ABL2: variants seen among roughly 807,000 people sequenced by gnomAD.
ABL2 encodes the protein ABL proto-oncogene 2, non-receptor tyrosine kinase, also known as tyrosine-protein kinase ABL2.
Under a neutral mutation model 107.7 loss-of-function variants are expected in ABL2, and 49 were observed. The ratio of observed to expected loss-of-function variants is 0.45; its 90% CI spans 0.36 to 0.58. The LOEUF (loss-of-function observed/expected upper bound fraction) is 0.58, where lower values mean the gene tolerates loss of function less well. ABL2 is among the 20% of genes least tolerant of loss of function. ABL2 has a pLI of 0.00. For missense variants in ABL2, 1,245 were observed against 1,457.0 expected (o/e 0.85, Z 2.37); for synonymous variants, 549 against 548.6 (o/e 1.00, Z -0.01).
chr1:179,210,203 A>T (rs961283550), intron 1 of ABL2, among the ~76,000 whole-genome samples: 4 of 152,112 alleles, frequency 2.6e-5, no homozygotes, highest in Admixed American at 6.6e-5. Flanking sequence ...GAGAAAAAAA[A>T]TGATTTTAAA....
Position 179,104,099 on chromosome 1 carries a change from C to T in ABL2, c.*3619G>A. 4.3e-6 allele frequency: 1 copy of T among 232,628 alleles called. No homozygotes were observed. The highest frequency in any genetic ancestry group is 8.5e-6 in the Non-Finnish European group (1 of 117,650). 14.4% of individuals were successfully genotyped at this position (232,628 alleles called of 1,614,324 possible). ...GGGGATTCTGCTGTGCATCCCTAGA[C>T]TAGGTGTTAATAATAGTAGTAGTAG... On this transcript the variant is annotated 3_prime_UTR_variant, in exon 12 of 12. Coordinates refer to ENST00000502732, the MANE Select transcript of ABL2 (RefSeq NM_007314.4).
chr1:179,146,747 G>C (rs1331279171), intron 1 of ABL2, among the ~76,000 whole-genome samples: 1 of 152,032 alleles, frequency 6.6e-6, no homozygotes, highest in African/African-American at 2.4e-5. Context: ...ACTCCATCCT[G>C]CCACCCTGTG....
chr1:179,201,885 T>G, intron 1 of ABL2: 1 of 1,321,042 alleles, frequency 7.6e-7, no homozygotes, highest in Non-Finnish European at 9.7e-7. Flanking sequence ...CTACAACACC[T>G]CCATTGAGGA....
intron 1 of ABL2, chr1:179,183,985 G>T: frequency 3.8e-6 from 1 of 266,026 alleles, no homozygotes; most frequent in Non-Finnish European, 7.4e-6. Context: ...TGAACATATT[G>T]ATGAAGTACA....
chr1:179,206,245 A>T (rs1001722031), intron 1 of ABL2, among the ~76,000 whole-genome samples: 1 of 152,204 alleles, frequency 6.6e-6, no homozygotes, highest in East Asian at 1.9e-4. Context: ...AAAGTGCAGA[A>T]ATAGAATCAA....
At chr1:179,204,701 C>T (rs1661856188) in intron 1 of ABL2, among the ~76,000 whole-genome samples, 1 of 152,050 alleles carries the variant, frequency 6.6e-6, no homozygotes, top group South Asian at 2.1e-4. Context: ...GAACCAAGAT[C>T]ACGCCACTGC....
intron 1 of ABL2, chr1:179,201,969 G>A: frequency 9.0e-7 from 1 of 1,116,944 alleles, no homozygotes; most frequent in South Asian, 3.3e-5. Flanking sequence ...CTCAATCTCA[G>A]GGGTCCGAGG....
intron 1 of ABL2, among the ~76,000 whole-genome samples, chr1:179,150,109 GCA>G (rs1420214853): frequency 6.6e-6 from 1 of 151,860 alleles, no homozygotes; most frequent in Non-Finnish European, 1.5e-5. Context: ...GCATGGTGGC[GCA>G]CACCTGTAGT....
At chr1:179,204,957 G>A (rs1447135892) in intron 1 of ABL2, among the ~76,000 whole-genome samples, 3 of 151,898 alleles carry the variant, frequency 2.0e-5, no homozygotes, top group Non-Finnish European at 2.9e-5. Flanking sequence ...GGGGCTCAGA[G>A]TGCTGCATGT....
chr1:179,109,287 T>C lies in ABL2; in HGVS notation c.1980A>G (p.Arg660=), dbSNP rs1486638906. 25 of 1,613,930 alleles carry C rather than the reference T, an allele frequency of 1.5e-5. No individual in the cohort carries two copies. Among genetic ancestry groups the C allele is most frequent in the Non-Finnish European group, 1.9e-5 (22 of 1,180,010 alleles). Residue 660 remains arginine (R), a synonymous_variant, in exon 12 of 12, where the codon AGA becomes AGG. Coordinates refer to ENST00000502732, the MANE Select transcript of ABL2 (RefSeq NM_007314.4). The stretch of plus-strand genomic sequence containing the variant: ...TGCGTTTGGGGGGTGTAGGAGCATT[T>C]CTCTTCTTCATGAAGGAGCTGAAGA... ...GGFFSSFMKK[R]NAPTPPKRSS...
At chr1:179,128,655 T>C (rs1655979214) in intron 3 of ABL2, among the ~76,000 whole-genome samples, 1 of 152,178 alleles carries the variant, frequency 6.6e-6, no homozygotes, top group African/African-American at 2.4e-5. Context: ...GATTCAAATA[T>C]TGGCCAAACT....
intron 1 of ABL2, among the ~76,000 whole-genome samples, chr1:179,195,144 C>T (rs139041340): frequency 1.3e-5 from 2 of 151,986 alleles, no homozygotes; most frequent in East Asian, 1.9e-4. Flanking sequence ...AAAACTTACC[C>T]GGGCATGGCA....
Position 179,201,535 on chromosome 1 carries a change from G to A in ABL2, c.157+27706C>T, listed in dbSNP as rs1043372978. ...GGGGAACATCCAGTGCCCCTCTCAG[G>A]AAAGTAGCAACCTGGAACAGAATCT... On this transcript the variant is annotated intron_variant, in intron 1 of 11. Coordinates refer to ENST00000502732, the MANE Select transcript of ABL2 (RefSeq NM_007314.4). 1.9e-5 allele frequency: 6 copies of A among 322,548 alleles called. No homozygotes were observed. In the South Asian group the frequency reaches 1.9e-4, roughly 10 times the overall value. 20.0% of individuals were successfully genotyped at this position (322,548 alleles called of 1,614,324 possible). A position where few individuals can be genotyped will look rare whatever the true frequency, so the allele number is the denominator to read the frequency against.
chr1:179,147,952 T>C (rs1472390714), intron 1 of ABL2, among the ~76,000 whole-genome samples: 1 of 152,232 alleles, frequency 6.6e-6, no homozygotes, highest in Non-Finnish European at 1.5e-5. Context: ...TTTGCTTTAC[T>C]GTGCTTTGCA....
intron 1 of ABL2, among the ~76,000 whole-genome samples, chr1:179,192,369 C>T (rs531739401): frequency 1.3e-5 from 2 of 152,238 alleles, no homozygotes; most frequent in Admixed American, 1.3e-4. Context: ...AATGTCAAAC[C>T]CTTCCACCAA....
intron 2 of ABL2, among the ~76,000 whole-genome samples, chr1:179,132,733 G>C (rs1444346024): frequency 6.6e-6 from 1 of 151,896 alleles, no homozygotes; most frequent in Non-Finnish European, 1.5e-5. Context: ...GTAGAGACAG[G>C]ATTTTACCAT....
chr1:179,212,694 T>C (rs1308152631), intron 1 of ABL2, among the ~76,000 whole-genome samples: 2 of 149,678 alleles, frequency 1.3e-5, no homozygotes, highest in African/African-American at 2.5e-5. Context: ...GATCGTGCCA[T>C]TGCACTCCAG....
At position 179,107,709 on chromosome 1, in the gene ABL2, T is replaced by C. The variant is rs1292682239; in HGVS notation, c.*9A>G. 5 of 1,588,292 alleles carry C rather than the reference T, an allele frequency of 3.1e-6. No individual in the cohort carries two copies. The African/African-American group carries it at 6.7e-5, about 21-fold the overall frequency. Reference sequence around the variant, plus strand: ...AAATGTGTGCATTTTCCCACCAGGCTAACAGTGGCTACCTCTGCACCACAT... The same window carrying C: ...AAATGTGTGCATTTTCCCACCAGGCCAACAGTGGCTACCTCTGCACCACAT... On this transcript the variant is annotated 3_prime_UTR_variant, in exon 12 of 12. Transcript: ENST00000502732.
At chr1:179,168,297 C>T (rs1354922264) in intron 1 of ABL2, among the ~76,000 whole-genome samples, 2 of 152,134 alleles carry the variant, frequency 1.3e-5, no homozygotes, top group African/African-American at 4.8e-5. Flanking sequence ...TGCACATCTT[C>T]TGATATACTT....
Sources: allele counts gnomAD v4.1 joint callset (sites outside exome capture counted in the v4.1 genomes callset), GRCh38; gene constraint gnomAD v4.1.1; transcripts MANE v1.5; gene names NCBI Gene and HGNC (gene_info 2026-07-23, HGNC 2026-07-21).